The following RNF213 variants were observed in gnomAD, a reference collection of about 807,000 sequenced individuals.
RNF213 encodes the protein E3 ubiquitin-protein ligase RNF213.
Under a neutral mutation model 514.4 loss-of-function variants are expected in RNF213, and 341 were observed. That is an observed-to-expected ratio of 0.66 (90% CI 0.61 to 0.73). The LOEUF is 0.73. Ranked by LOEUF, RNF213 falls within the 30% of genes least tolerant of loss-of-function variation. The pLI, the probability that RNF213 is intolerant of heterozygous loss-of-function variation, is 0.00. For missense variants in RNF213, 5,767 were observed against 6,615.6 expected, an observed-to-expected ratio of 0.87 and a Z score of 4.45; for synonymous variants, 2,655 against 2,658.2, an observed-to-expected ratio of 1.00 and a Z score of 0.04.
intron 8 of RNF213, among the ~76,000 whole-genome samples, chr17:80,293,744 G>C (rs561058461): frequency 6.6e-6 from 1 of 151,964 alleles, no homozygotes; most frequent in Non-Finnish European, 1.5e-5. Context: ...GGAGAATGGC[G>C]TGAACCCGGG....
chr17:80,336,099 A>C, intron 22 of RNF213, 62 bp from the exon 23 acceptor site: 8 of 1,374,946 alleles, frequency 5.8e-6, no homozygotes, highest in Non-Finnish European at 8.0e-6. Context: ...TTACTGCCCA[A>C]GACCGAGTCT....
intron 11 of RNF213, 69 bp from the exon 12 acceptor site, chr17:80,306,183 T>C: frequency 2.1e-6 from 3 of 1,435,086 alleles, no homozygotes; most frequent in Non-Finnish European, 2.9e-6. Context: ...CCTCCAGCAT[T>C]GGTTTCCTCC....
At chr17:80,340,791 A>AT (rs1026845863) in intron 26 of RNF213, 26 of 153,022 alleles carry the variant, frequency 1.7e-4, no homozygotes, top group South Asian at 6.9e-4. Context: ...TGGCTAATTT[A>AT]TTTTTTTTTG....
chr17:80,366,265 A>G (rs1327727628), intron 42 of RNF213, among the ~76,000 whole-genome samples: 1 of 152,186 alleles, frequency 6.6e-6, no homozygotes, highest in East Asian at 1.9e-4. Context: ...TGTACCTTGA[A>G]GGGGAATTCC....
intron 44 of RNF213, 130 bp from the exon 45 acceptor site, chr17:80,369,371 CT>C: frequency 1.1e-6 from 1 of 905,630 alleles, no homozygotes; most frequent in East Asian, 2.4e-5. Flanking sequence ...GTACTCCAGC[CT>C]GGGCAACAAG....
At chr17:80,352,799 C>T (rs768949134) in intron 32 of RNF213, 141 bp from the exon 33 acceptor site, 49 of 1,322,764 alleles carry the variant, frequency 3.7e-5, no homozygotes, top group Non-Finnish European at 4.9e-5. Context: ...CAGGCCCATT[C>T]CAGGGTTTCG....
chr17:80,354,356 T>C, intron 35 of RNF213, 85 bp from the exon 36 acceptor site: 1 of 1,604,592 alleles, frequency 6.2e-7, no homozygotes, highest in Non-Finnish European at 8.5e-7. Flanking sequence ...CGGACTTCCC[T>C]TCCTGGGGGA....
At position 80,353,862 on chromosome 17, in the gene RNF213, G is replaced by C; in HGVS notation, c.10579-157G>C. On this transcript the variant is annotated intron_variant, in intron 34 of 67. Transcript: ENST00000582970. The surrounding 1 kb of genome is among the most constrained non-coding windows in gnomAD (Gnocchi z 5.0). The stretch of plus-strand genomic sequence containing the variant: ...CAAGGGCATCTGCACCGGCAGTTTG[G>C]GGGGTGCAGGGCGGAGGTCGGCGTC... 1 of 1,193,406 alleles carries C rather than the reference G, an allele frequency of 8.4e-7. No homozygotes were observed. Among genetic ancestry groups the C allele is most frequent in the South Asian group, 1.3e-5 (1 of 77,220 alleles). 73.9% of individuals were successfully genotyped at this position (1,193,406 alleles called of 1,614,324 possible). A position where few individuals can be genotyped will look rare whatever the true frequency, so the allele number is the denominator to read the frequency against.
chr17:80,286,685 TGGG>T (rs2044484122), intron 3 of RNF213, among the ~76,000 whole-genome samples: 1 of 151,960 alleles, frequency 6.6e-6, no homozygotes, highest in East Asian at 1.9e-4. Flanking sequence ...GTGCAGGAGG[TGGG>T]GGGCGTGGAG....
rs191445090 is a variant in RNF213 at position 80,388,751 on chromosome 17, C to T, written c.15000+62C>T. ...TCTGCCTTCTCAGTGTGTTTCCCTC[C>T]GTGTTAGGCCTACTCCAGCCTTGCC... On this transcript the variant is annotated intron_variant, in intron 64 of 67. Transcript: ENST00000582970. 3.3e-5 allele frequency: 41 copies of T among 1,252,590 alleles called. No individual in the cohort carries two copies. In the East Asian group the frequency reaches 3.7e-4, roughly 11 times the overall value. The allele number at this position is 1,252,590 out of a possible 1,614,324, so 77.6% of individuals were successfully genotyped here. A position where few individuals can be genotyped will look rare whatever the true frequency, so the allele number is the denominator to read the frequency against.
intron 50 of RNF213, chr17:80,374,974 G>A (rs538543154): frequency 7.6e-6 from 2 of 264,498 alleles, no homozygotes; most frequent in East Asian, 1.7e-4. Flanking sequence ...ATTCAGATAT[G>A]CATGTGTGTT....
Position 80,367,992 on chromosome 17 carries a change from G to A in RNF213, c.12004G>A (p.Gly4002Arg). The change falls in exon 44 of 68, where the codon GGA (glycine) becomes AGA (arginine). Residue 4002 changes from glycine to arginine, a missense_variant. By Grantham distance (125) the Gly-to-Arg change is moderately radical. Transcript: ENST00000582970. ...GATTCAGCCGTGCTCCATCTGCCTG[G>A]GAGATGCAAAGGACCCCGTCTGTCT... ...FGIQPCSICL[G>R]DAKDPVCLPC... 1.2e-6 allele frequency: 2 copies of A among 1,614,210 alleles called. No individual in the cohort carries two copies. Among genetic ancestry groups the A allele is most frequent in the African/African-American group, 1.3e-5 (1 of 75,046 alleles).
chr17:80,350,373 C>T lies in RNF213; in HGVS notation c.10161C>T (p.Ser3387=), dbSNP rs764716167. 1.8e-5 allele frequency: 29 copies of T among 1,609,376 alleles called. No individual in the cohort carries two copies. Among genetic ancestry groups the T allele is most frequent in the South Asian group, 1.5e-4 (14 of 90,990 alleles). Residue 3387 remains serine (S), a synonymous_variant, in exon 31 of 68, where the codon AGC becomes AGT. Transcript: ENST00000582970. The part of the protein sequence containing the change: ...FQTDFEDGIR[S]AQLIASAKYS... ...CAGATTTTGAAGATGGAATCCGTAG[C>T]GCCCAGCTCATTGCCTCAGCTAAGT...
At chr17:80,373,810 G>A (rs2079623129) in intron 49 of RNF213, among the ~76,000 whole-genome samples, 1 of 151,952 alleles carries the variant, frequency 6.6e-6, no homozygotes, top group African/African-American at 2.4e-5. Context: ...GACCAGCCTG[G>A]CCAACATGGT....
At chr17:80,383,299 G>A (rs2080098260) in intron 58 of RNF213, among the ~76,000 whole-genome samples, 2 of 152,148 alleles carry the variant, frequency 1.3e-5, no homozygotes, top group Admixed American at 1.3e-4. Context: ...GAATTCCTGG[G>A]AATCCAGCAA....
intron 18 of RNF213, among the ~76,000 whole-genome samples, chr17:80,327,110 C>G (rs911158506): frequency 1.3e-5 from 2 of 152,194 alleles, no homozygotes; most frequent in East Asian, 3.8e-4. Flanking sequence ...ATAGACATTG[C>G]TAGGTATGTC....
intron 42 of RNF213, 149 bp from the exon 43 acceptor site, chr17:80,367,599 G>A (rs937709744): frequency 3.3e-5 from 22 of 665,488 alleles, no homozygotes; most frequent in African/African-American, 7.1e-5. Flanking sequence ...GAGTTCAAGC[G>A]TTAAACACAG....
chr17:80,369,486 T>C lies in RNF213; in HGVS notation c.12156-16T>C. 5 of 1,612,378 alleles carry C rather than the reference T, an allele frequency of 3.1e-6. No homozygotes were observed. The highest frequency in any genetic ancestry group is 4.2e-6 in the Non-Finnish European group (5 of 1,179,742). On this transcript the variant is annotated splice_polypyrimidine_tract_variant and intron_variant, in intron 44 of 67. Coordinates refer to ENST00000582970, the MANE Select transcript of RNF213 (RefSeq NM_001256071.3). ...GGAAACACCATCCACCTGTCTTCTGTTTCTCGTGTTCTAAGGGAAGCCATT... is the reference window on the plus strand; with the variant it reads ...GGAAACACCATCCACCTGTCTTCTGCTTCTCGTGTTCTAAGGGAAGCCATT...
chr17:80,322,166 T>A (rs1302285649), intron 17 of RNF213, among the ~76,000 whole-genome samples: 1 of 129,992 alleles, frequency 7.7e-6, no homozygotes, highest in African/African-American at 2.8e-5. Flanking sequence ...CCCCCTTTTT[T>A]TTTTTTTTTT....
Sources: allele counts gnomAD v4.1 joint callset (sites outside exome capture counted in the v4.1 genomes callset), GRCh38; gene constraint gnomAD v4.1.1; non-coding constraint Gnocchi (gnomAD v3.1); transcripts MANE v1.5; gene names NCBI Gene and HGNC (gene_info 2026-07-23, HGNC 2026-07-21).